The following NCOA5 variants were observed in gnomAD, a reference collection of about 807,000 sequenced individuals.
The protein encoded by NCOA5 is nuclear receptor coactivator 5.
A neutral mutation model predicts 59.0 loss-of-function variants in NCOA5; 12 were observed. The observed-to-expected ratio is 0.20, with a 90% CI of 0.13 to 0.33. The LOEUF is 0.33. NCOA5 is among the 10% of genes least tolerant of loss of function. The pLI is 1.00. For synonymous variants in NCOA5, 270 were observed against 275.5 expected (o/e 0.98, Z 0.20); for missense variants, 655 against 766.6 (o/e 0.85, Z 1.72).
At chr20:46,072,279 A>G (rs2084890538) in intron 2 of NCOA5, among the ~76,000 whole-genome samples, 1 of 152,148 alleles carries the variant, frequency 6.6e-6, no homozygotes, top group Admixed American at 6.5e-5. Flanking sequence ...ATCACTCTAC[A>G]GTGATCTGTT....
At chr20:46,088,699 G>A (rs1220824927) in intron 1 of NCOA5, among the ~76,000 whole-genome samples, 1 of 152,200 alleles carries the variant, frequency 6.6e-6, no homozygotes, top group Non-Finnish European at 1.5e-5. Context: ...AAAGAGAACA[G>A]TTTACAAGAA....
Position 46,070,226 on chromosome 20 carries a change from G to T in NCOA5, c.349C>A (p.Arg117=). The T allele has an allele frequency of 6.2e-7, 1 of 1,613,692 alleles. No homozygotes were observed. The highest frequency in any genetic ancestry group is 8.5e-7 in the Non-Finnish European group (1 of 1,179,776). The change falls in exon 3 of 8, where the codon CGA becomes AGA. Residue 117 remains arginine, a synonymous_variant. Coordinates refer to ENST00000290231, the MANE Select transcript of NCOA5 (RefSeq NM_020967.3). The part of the protein sequence containing the change: ...YDRYRDMRDS[R]DPMYRREGSY... ...CGTATGTACCTGTACATAGGATCTC[G>T]GGAGTCTCTCATGTCTCTGTATCTG...
chr20:46,079,999 A>G (rs10485438), intron 1 of NCOA5, among the ~76,000 whole-genome samples: 28,511 of 152,158 alleles, frequency 0.19, 2,846 homozygotes, highest in South Asian at 0.29. Flanking sequence ...ATCTTCCAGA[A>G]TAACATGCAG....
In NCOA5 at chr20:46,063,471, T is replaced by A; in HGVS notation, c.1039A>T (p.Asn347Tyr). 1 of 1,614,232 alleles carries A rather than the reference T, an allele frequency of 6.2e-7. No individual in the cohort carries two copies. The highest frequency in any genetic ancestry group is 8.5e-7 in the Non-Finnish European group (1 of 1,180,044). Reference sequence around the variant, plus strand: ...AGGTACCTGTTGTCTGCCAGCAGGTTGATGAGGCTCTGGATGGCTGGAGGG... The same window carrying A: ...AGGTACCTGTTGTCTGCCAGCAGGTAGATGAGGCTCTGGATGGCTGGAGGG... ...GHPPAIQSLI[N>Y]LLADNRYLTA... Residue 347 changes from asparagine to tyrosine, a missense_variant, in exon 7 of 8, where the codon AAC (asparagine) becomes TAC (tyrosine). Transcript: ENST00000290231.
intron 2 of NCOA5, 70 bp downstream of exon 2, chr20:46,079,317 G>T: frequency 6.9e-7 from 1 of 1,452,954 alleles, no homozygotes; most frequent in Non-Finnish European, 9.7e-7. Context: ...GACCTTTGGT[G>T]TACGAAGCTG....
rs1257200891 is a variant in NCOA5, at chr20:46,062,571, T to C, written c.1469A>G (p.Gln490Arg). 6.2e-7 allele frequency: 1 copy of C among 1,614,230 alleles called. No individual in the cohort carries two copies. The highest frequency in any genetic ancestry group is 8.5e-7 in the Non-Finnish European group (1 of 1,180,038). ...GCCCATGTTCTGAGCAGATCCTCCC[T>C]GTCCCAAAATGCTTGGAGGCTGATT... is the stretch of plus-strand genomic sequence containing the variant. ...SGNQPPSILG[Q>R]GGSAQNMGPR... The change falls in exon 8 of 8, where the codon CAG becomes CGG. Residue 490 changes from glutamine (Q) to arginine (R), a missense_variant. By Grantham distance (43) the Gln-to-Arg change is conservative. Transcript: ENST00000290231.
intron 2 of NCOA5, among the ~76,000 whole-genome samples, chr20:46,074,196 C>T (rs1803716200): frequency 6.6e-6 from 1 of 152,152 alleles, no homozygotes; most frequent in South Asian, 2.1e-4. Flanking sequence ...CTCCTCAGAA[C>T]AAAAGGGCTC....
chr20:46,063,492 G>C lies in NCOA5; in HGVS notation c.1018C>G (p.Pro340Ala). The change falls in exon 7 of 8, where the codon CCA becomes GCA. Residue 340 changes from proline to alanine, a missense_variant. Pro to Ala is a conservative substitution (Grantham distance 27). Transcript: ENST00000290231. Reference protein sequence around the residue: ...PEEGVRGGHPPAIQSLINLLA... With the variant: ...PEEGVRGGHPAAIQSLINLLA... ...AGGTTGATGAGGCTCTGGATGGCTG[G>C]AGGGTGGCCCCCACGCACTCCCTCC... 1.9e-6 allele frequency: 3 copies of C among 1,614,210 alleles called. No homozygotes were observed. The highest frequency in any genetic ancestry group is 2.5e-6 in the Non-Finnish European group (3 of 1,180,040).
Position 46,065,151 on chromosome 20 carries a change from A to T in NCOA5, c.707T>A (p.Val236Glu). The stretch of plus-strand genomic sequence containing the variant: ...ATCCTCCAAGGCTTGTGACAGTGAC[A>T]CTTCTGTGTTAAGGAAGATCAAGTC... Reference protein sequence around the residue: ...VVDLIFLNTEVSLSQALEDVS... With the variant: ...VVDLIFLNTEESLSQALEDVS... Residue 236 changes from valine (V) to glutamate (E), a missense_variant, in exon 6 of 8, where the codon GTG (valine) becomes GAG (glutamate). Physicochemically the swap from Val to Glu is moderately radical, Grantham distance 121 (BLOSUM62 -2). Coordinates refer to ENST00000290231, the MANE Select transcript of NCOA5 (RefSeq NM_020967.3). The T allele has an allele frequency of 6.2e-7, 1 of 1,614,156 alleles. No individual in the cohort carries two copies. Among genetic ancestry groups the T allele is most frequent in the Non-Finnish European group, 8.5e-7 (1 of 1,180,038 alleles).
At chr20:46,074,596 A>G (rs1158600466) in intron 2 of NCOA5, among the ~76,000 whole-genome samples, 1 of 152,208 alleles carries the variant, frequency 6.6e-6, no homozygotes, top group Non-Finnish European at 1.5e-5. Flanking sequence ...TGAGGGGAAT[A>G]TAGTCACACT....
intron 5 of NCOA5, among the ~76,000 whole-genome samples, chr20:46,066,005 A>G (rs1038853604): frequency 9.9e-5 from 15 of 152,242 alleles, no homozygotes; most frequent in African/African-American, 3.6e-4. Context: ...GTGTCCAAAA[A>G]AAGCTCTCTA....
intron 1 of NCOA5, among the ~76,000 whole-genome samples, chr20:46,082,756 A>AT (rs2085004508): frequency 6.6e-6 from 1 of 152,196 alleles, no homozygotes; most frequent in Admixed American, 6.5e-5. Context: ...TCAGTTAAGA[A>AT]TTTTTAGACA....
rs1249029296 is a variant in NCOA5 at position 46,063,679 on chromosome 20, C to T, written c.831G>A (p.Glu277=). 4 of 1,612,846 alleles carry T rather than the reference C, an allele frequency of 2.5e-6. No individual in the cohort carries two copies. In the African/African-American group the frequency reaches 4.0e-5, roughly 16 times the overall value. ...CATCTGCTTGGGGCATGTTGCGATG[C>T]TCTGTAGGAGGAAATGACATGAGTT... ...TVNIMFGTPQ[E]HRNMPQADAM... The change falls in exon 7 of 8, where the codon GAG becomes GAA. Residue 277 remains glutamate (E), a splice_region_variant and synonymous_variant. Transcript: ENST00000290231.
chr20:46,085,945 G>T (rs989969101), intron 1 of NCOA5, among the ~76,000 whole-genome samples: 1 of 152,064 alleles, frequency 6.6e-6, no homozygotes, highest in African/African-American at 2.4e-5. Context: ...AAAGACCATT[G>T]GTTTGACACT....
In NCOA5 at chr20:46,070,415, T is replaced by C. The variant is rs1267346567; in HGVS notation, c.160A>G (p.Ile54Val). ...TCCCGCAAGTCTCGGGGGTCTCGAA[T>C]GTCTCTGCTGTCCCGGGCATCCCGG... Reference protein sequence around the residue: ...NGRDARDSRDIRDPRDLRDHR... With the variant: ...NGRDARDSRDVRDPRDLRDHR... Residue 54 changes from isoleucine to valine, a missense_variant, in exon 3 of 8, where the codon ATT becomes GTT. By Grantham distance (29) the Ile-to-Val change is conservative. Coordinates refer to ENST00000290231, the MANE Select transcript of NCOA5 (RefSeq NM_020967.3). 6 of 1,613,940 alleles carry C rather than the reference T, an allele frequency of 3.7e-6. No individual in the cohort carries two copies. The highest frequency in any genetic ancestry group is 5.1e-6 in the Non-Finnish European group (6 of 1,179,946).
intron 2 of NCOA5, among the ~76,000 whole-genome samples, chr20:46,073,199 C>T (rs924515450): frequency 3.9e-5 from 6 of 152,014 alleles, no homozygotes; most frequent in East Asian, 1.9e-4. Flanking sequence ...TGGTTACACA[C>T]GTTAGGTATT....
chr20:46,086,320 T>C (rs1017635962), intron 1 of NCOA5, among the ~76,000 whole-genome samples: 3 of 152,362 alleles, frequency 2.0e-5, no homozygotes, highest in East Asian at 3.9e-4. Flanking sequence ...AGGTGAACTA[T>C]TTCCTTAACA....
At chr20:46,065,332 AC>A (rs2145523515) in intron 5 of NCOA5, 104 bp from the exon 6 acceptor site, 2 of 1,043,122 alleles carry the variant, frequency 1.9e-6, no homozygotes, top group East Asian at 2.4e-5. Context: ...ACCTTAGTCT[AC>A]CCCAGTACCG....
At chr20:46,080,743 G>A (rs2059807703) in intron 1 of NCOA5, among the ~76,000 whole-genome samples, 1 of 152,020 alleles carries the variant, frequency 6.6e-6, no homozygotes, top group Non-Finnish European at 1.5e-5. Flanking sequence ...AAATAGTGAA[G>A]TATATCTTAA....
Sources: allele counts gnomAD v4.1 joint callset (sites outside exome capture counted in the v4.1 genomes callset), GRCh38; gene constraint gnomAD v4.1.1; transcripts MANE v1.5; gene names NCBI Gene and HGNC (gene_info 2026-07-23, HGNC 2026-07-21).